Variants in DCC observed in about 807,000 individuals in gnomAD.
The protein encoded by DCC is netrin receptor DCC.
Under a neutral mutation model 172.5 loss-of-function variants are expected in DCC, and 58 were observed. The observed-to-expected ratio is 0.34, with a 90% CI of 0.27 to 0.42. The LOEUF is 0.42. Among genes scored for constraint, DCC ranks in the 10% least tolerant of loss-of-function variants. The pLI, the probability that DCC is intolerant of heterozygous loss-of-function variation, is 1.00. For synonymous variants in DCC, 709 were observed against 644.5 expected (o/e 1.10, Z -1.52); for missense variants, 1,740 against 1,791.0 (o/e 0.97, Z 0.51).
At chr18:52,892,576 G>A (rs1386895900) in intron 2 of DCC, 2 of 152,104 alleles carry the variant, frequency 1.3e-5, no homozygotes, top group African/African-American at 4.8e-5. Context: ...ATCATTTCAG[G>A]CTTTTGTGGT....
chr18:53,090,546 T>A (rs917569519), intron 7 of DCC, among the ~76,000 whole-genome samples: 1 of 150,822 alleles, frequency 6.6e-6, no homozygotes, highest in African/African-American at 2.4e-5. Context: ...ACAAAAAAAT[T>A]AGCCAGGTGT....
intron 20 of DCC, among the ~76,000 whole-genome samples, chr18:53,415,065 C>T (rs1295836665): frequency 1.3e-5 from 2 of 152,094 alleles, no homozygotes; most frequent in African/African-American, 4.8e-5. Flanking sequence ...TATTTCAGTT[C>T]TAAACATTCT....
At chr18:53,335,703 A>G (rs1464690262) in intron 14 of DCC, among the ~76,000 whole-genome samples, 1 of 152,124 alleles carries the variant, frequency 6.6e-6, no homozygotes, top group Admixed American at 6.6e-5. Context: ...TCTAGTAAAA[A>G]TTTGGGGCCT....
At chr18:52,541,875 G>GTGTATATATATATATA (rs1555695194) in intron 1 of DCC, among the ~76,000 whole-genome samples, 36 of 115,184 alleles carry the variant, frequency 3.1e-4, no homozygotes, top group East Asian at 1.6e-3. Flanking sequence ...GTGTGTGTGT[G>GTGTATATATATATATA]TATATATATA....
At chr18:52,495,852 T>A (rs938831602) in intron 1 of DCC, among the ~76,000 whole-genome samples, 1 of 151,870 alleles carries the variant, frequency 6.6e-6, no homozygotes, top group Non-Finnish European at 1.5e-5. Flanking sequence ...GGCTTTGACA[T>A]CAGGGAATTC....
chr18:52,723,903 A>G (rs777951040), intron 1 of DCC, among the ~76,000 whole-genome samples: 19 of 152,162 alleles, frequency 1.2e-4, no homozygotes, highest in Non-Finnish European at 2.5e-4. Flanking sequence ...CATGATTCAT[A>G]CCTAACCCCA....
In DCC at chr18:52,588,623, T is replaced by C. The variant is rs564129552; in HGVS notation, c.92-163431T>C. The stretch of plus-strand genomic sequence containing the variant: ...TACATATGAGAAGGGAACCAAACTT[T>C]TCTGAGGGTCAAGGAAATATTCTTG... On this transcript the variant is annotated intron_variant, in intron 1 of 28. Transcript: ENST00000442544. Among the ~76,000 whole-genome samples the C allele has an allele frequency of 1.1e-4, 16 of 152,320 alleles. No individual in the cohort carries two copies. The South Asian group carries it at 3.1e-3, about 30-fold the overall frequency.
At chr18:52,357,830 C>T (rs1355138408) in intron 1 of DCC, among the ~76,000 whole-genome samples, 2 of 151,320 alleles carry the variant, frequency 1.3e-5, no homozygotes, top group African/African-American at 2.4e-5. Context: ...CCCAGCTACT[C>T]GGGAGGCTGA....
intron 27 of DCC, among the ~76,000 whole-genome samples, chr18:53,519,506 CCT>C (rs1049601028): frequency 1.2e-4 from 18 of 151,576 alleles, no homozygotes; most frequent in African/African-American, 4.1e-4. Context: ...GCCTTGAGCA[CCT>C]CCCTCTCCCA....
intron 1 of DCC, among the ~76,000 whole-genome samples, chr18:52,433,913 G>A (rs1197142766): frequency 1.3e-5 from 2 of 152,152 alleles, no homozygotes; most frequent in African/African-American, 4.8e-5. Flanking sequence ...TAGACCATAA[G>A]AGTTGAACCT....
chr18:53,360,933 G>A (rs539706371), intron 15 of DCC, among the ~76,000 whole-genome samples: 3 of 152,140 alleles, frequency 2.0e-5, no homozygotes, highest in South Asian at 2.1e-4. Flanking sequence ...CCTCTAAGAC[G>A]GTATGTGCAT....
At chr18:53,060,395 A>G (rs895012154) in intron 5 of DCC, among the ~76,000 whole-genome samples, 18 of 152,152 alleles carry the variant, frequency 1.2e-4, no homozygotes, top group Non-Finnish European at 1.0e-4. Flanking sequence ...GAGAAAAGTT[A>G]TTTTTTCCCT....
At position 53,531,551 on chromosome 18, in the gene DCC, C is replaced by A. The variant is rs2046525467; in HGVS notation, c.*898C>A. On this transcript the variant is annotated 3_prime_UTR_variant, in exon 29 of 29. Coordinates refer to ENST00000442544, the MANE Select transcript of DCC (RefSeq NM_005215.4). ...CCTTAGGAGTTTGGCCAGAAGAATG[C>A]CCCCACCCCTTCACCCCATCCCTCC... 1 of 152,590 alleles carries A rather than the reference C, an allele frequency of 6.6e-6. No homozygotes were observed. Among genetic ancestry groups the A allele is most frequent in the African/African-American group, 2.4e-5 (1 of 41,392 alleles). The allele number at this position is 152,590 out of a possible 1,614,324, so 9.5% of individuals were successfully genotyped here. A position where few individuals can be genotyped will look rare whatever the true frequency, so the allele number is the denominator to read the frequency against.
chr18:52,540,974 G>A (rs4940189), intron 1 of DCC, among the ~76,000 whole-genome samples: 7,958 of 152,168 alleles, frequency 0.052, 339 homozygotes, highest in East Asian at 0.14. Flanking sequence ...TTGCAATTGG[G>A]TGGTGATAGC....
At chr18:53,262,584 A>G (rs1426601401) in intron 12 of DCC, among the ~76,000 whole-genome samples, 2 of 152,242 alleles carry the variant, frequency 1.3e-5, no homozygotes, top group Non-Finnish European at 2.9e-5. Context: ...AAGGTGATCC[A>G]ACTCAAAGGT....
At chr18:53,248,730 G>A (rs2056394911) in intron 12 of DCC, among the ~76,000 whole-genome samples, 1 of 151,978 alleles carries the variant, frequency 6.6e-6, no homozygotes, top group African/African-American at 2.4e-5. Flanking sequence ...GCACCATCCT[G>A]ATACAAAATC....
intron 22 of DCC, among the ~76,000 whole-genome samples, chr18:53,440,692 TGAAAA>T (rs1410798071): frequency 6.6e-5 from 10 of 152,222 alleles, no homozygotes; most frequent in South Asian, 2.1e-4. Context: ...TTTTTCCAGA[TGAAAA>T]GAAAAGATAA....
intron 2 of DCC, among the ~76,000 whole-genome samples, chr18:52,853,019 G>T (rs374334146): frequency 9.9e-5 from 15 of 152,120 alleles, no homozygotes; most frequent in African/African-American, 3.6e-4. Context: ...TTCCCCCAAA[G>T]TTTCTGCCTT....
At chr18:53,384,790 A>G (rs1321839305) in intron 15 of DCC, among the ~76,000 whole-genome samples, 2 of 151,144 alleles carry the variant, frequency 1.3e-5, no homozygotes, top group South Asian at 2.1e-4. Flanking sequence ...TATAGGAATG[A>G]TATTCTCCTA....
Sources: gnomAD v4.1 joint callset for allele counts (sites outside exome capture counted in the v4.1 genomes callset) on GRCh38, gnomAD v4.1.1 for gene constraint, MANE v1.5 for transcripts, NCBI Gene and HGNC (gene_info 2026-07-23, HGNC 2026-07-21) for gene names.